The following CDH8 variants were observed in gnomAD, a reference collection of about 807,000 sequenced individuals.
The protein encoded by CDH8 is cadherin 8, also known as cadherin-8.
CDH8 carries 17 observed loss-of-function variants against 68.1 expected under a neutral mutation model. The ratio of observed to expected loss-of-function variants is 0.25; its 90% CI spans 0.17 to 0.37. CDH8 has a LOEUF of 0.37. Ranked by LOEUF, CDH8 falls within the 10% of genes least tolerant of loss-of-function variation. CDH8 has a pLI of 1.00. For missense variants in CDH8, 763 were observed against 999.3 expected, an observed-to-expected ratio of 0.76 and a Z score of 3.19; for synonymous variants, 372 against 365.1, an observed-to-expected ratio of 1.02 and a Z score of -0.21.
At chr16:61,810,370 G>T (rs1415922016) in intron 7 of CDH8, among the ~76,000 whole-genome samples, 5 of 151,926 alleles carry the variant, frequency 3.3e-5, no homozygotes, top group Non-Finnish European at 7.4e-5. Flanking sequence ...TCTGAGTTCT[G>T]CTAGTTCCAG....
At chr16:61,700,986 A>C (rs2142848709) in intron 10 of CDH8, among the ~76,000 whole-genome samples, 1 of 152,362 alleles carries the variant, frequency 6.6e-6, no homozygotes, top group Non-Finnish European at 1.5e-5. Context: ...CACATATCAA[A>C]AATATTAGAT....
intron 2 of CDH8, among the ~76,000 whole-genome samples, chr16:61,932,067 C>T (rs1311558328): frequency 2.0e-5 from 3 of 151,782 alleles, no homozygotes; most frequent in East Asian, 3.9e-4. Context: ...ATTAGCCGGG[C>T]GTGGTGGTGG....
intron 2 of CDH8, among the ~76,000 whole-genome samples, chr16:62,012,617 G>A (rs530232459): frequency 1.3e-5 from 2 of 152,150 alleles, no homozygotes; most frequent in South Asian, 4.2e-4. Flanking sequence ...ATTTTATTAA[G>A]TTTTACATTT....
intron 3 of CDH8, among the ~76,000 whole-genome samples, chr16:61,864,426 A>T (rs1264649407): frequency 6.6e-6 from 1 of 152,084 alleles, no homozygotes; most frequent in Admixed American, 6.6e-5. Flanking sequence ...GTGCTGAAGG[A>T]AAAAGCTGAG....
chr16:61,726,971 G>A lies in CDH8; in HGVS notation c.1536+123C>T, dbSNP rs1036533388. 9 of 989,722 alleles carry A rather than the reference G, an allele frequency of 9.1e-6. No homozygotes were observed. In the Middle Eastern group the frequency reaches 8.7e-4, roughly 95 times the overall value. The allele number at this position is 989,722 out of a possible 1,614,324, so 61.3% of individuals were successfully genotyped here. A position where few individuals can be genotyped will look rare whatever the true frequency, so the allele number is the denominator to read the frequency against. Reference sequence around the variant, plus strand: ...ATTCCCTCTCTGTTCCCATTTGGATGTGTTTCTTGCCTGAGACTTTGCAGA... The same window carrying A: ...ATTCCCTCTCTGTTCCCATTTGGATATGTTTCTTGCCTGAGACTTTGCAGA... On this transcript the variant is annotated intron_variant, in intron 9 of 11. Transcript: ENST00000577390.
At chr16:61,924,137 T>G (rs1489335714) in intron 2 of CDH8, among the ~76,000 whole-genome samples, 1 of 152,002 alleles carries the variant, frequency 6.6e-6, no homozygotes, top group Non-Finnish European at 1.5e-5. Flanking sequence ...GTTGTTGTGT[T>G]GTTGTCGTTT....
chr16:62,025,319 A>T, intron 1 of CDH8, among the ~76,000 whole-genome samples: 1 of 152,186 alleles, frequency 6.6e-6, no homozygotes, highest in South Asian at 2.1e-4. Context: ...CATAATAATG[A>T]TGGTCTCTAC....
chr16:61,942,035 A>C (rs1487555329), intron 2 of CDH8, among the ~76,000 whole-genome samples: 1 of 152,204 alleles, frequency 6.6e-6, no homozygotes, highest in South Asian at 2.1e-4. Context: ...GTGGGTAAGA[A>C]GTGGTGGCTC....
chr16:61,938,068 A>G (rs921658174), intron 2 of CDH8: 2 of 152,198 alleles, frequency 1.3e-5, no homozygotes, highest in African/African-American at 4.8e-5. Context: ...TGATGCCCAG[A>G]AAACTAAAAC....
intron 2 of CDH8, among the ~76,000 whole-genome samples, chr16:62,014,195 G>C (rs1319804774): frequency 6.6e-6 from 1 of 152,184 alleles, no homozygotes; most frequent in Non-Finnish European, 1.5e-5. Context: ...AGCATGTCAT[G>C]TGTAGGTGAG....
chr16:61,810,775 G>T (rs1671950825), intron 7 of CDH8, among the ~76,000 whole-genome samples: 1 of 152,184 alleles, frequency 6.6e-6, no homozygotes, highest in South Asian at 2.1e-4. Context: ...TGTAATCCAA[G>T]AACTTTGGGA....
chr16:61,754,546 G>A (rs914271234), intron 8 of CDH8, among the ~76,000 whole-genome samples: 3 of 151,420 alleles, frequency 2.0e-5, no homozygotes, highest in African/African-American at 4.9e-5. Context: ...TATTTTGGGG[G>A]GTACATGTGA....
At chr16:61,863,025 C>A (rs1026122561) in intron 3 of CDH8, among the ~76,000 whole-genome samples, 3 of 152,104 alleles carry the variant, frequency 2.0e-5, no homozygotes, top group Admixed American at 1.3e-4. Context: ...CAACTTGATA[C>A]TGATCCTAAT....
intron 9 of CDH8, chr16:61,726,384 CTTGT>C (rs1405608061): frequency 2.0e-5 from 3 of 150,712 alleles, no homozygotes; most frequent in South Asian, 4.2e-4. Flanking sequence ...GTTCATCTTG[CTTGT>C]TTAACTATTT....
At chr16:61,709,360 C>A (rs1964587571) in intron 10 of CDH8, among the ~76,000 whole-genome samples, 1 of 152,090 alleles carries the variant, frequency 6.6e-6, no homozygotes, top group Admixed American at 6.5e-5. Context: ...TGCCTTGAAA[C>A]CTACATCCTG....
intron 1 of CDH8, among the ~76,000 whole-genome samples, chr16:62,030,778 C>T (rs991699187): frequency 2.6e-5 from 4 of 152,176 alleles, no homozygotes; most frequent in South Asian, 2.1e-4. Context: ...ATATCTTCAA[C>T]ATGCCTAAAA....
At chr16:61,974,205 A>G (rs546560795) in intron 2 of CDH8, among the ~76,000 whole-genome samples, 2 of 152,050 alleles carry the variant, frequency 1.3e-5, no homozygotes, top group Admixed American at 6.6e-5. Context: ...TGTTCTATGG[A>G]AAAAAAAGCT....
intron 8 of CDH8, among the ~76,000 whole-genome samples, chr16:61,784,922 G>T (rs903521258): frequency 2.0e-5 from 3 of 151,888 alleles, no homozygotes; most frequent in African/African-American, 7.3e-5. Context: ...AGAATCTCTG[G>T]GACGCATTCA....
At chr16:61,719,546 A>G (rs1387917270) in intron 9 of CDH8, among the ~76,000 whole-genome samples, 1 of 150,580 alleles carries the variant, frequency 6.6e-6, no homozygotes, top group Non-Finnish European at 1.5e-5. Context: ...AATAAAAACC[A>G]CTCCATCTCT....
Sources: allele counts gnomAD v4.1 joint callset (sites outside exome capture counted in the v4.1 genomes callset), GRCh38; gene constraint gnomAD v4.1.1; transcripts MANE v1.5; gene names NCBI Gene and HGNC (gene_info 2026-07-23, HGNC 2026-07-21).